GTF3C2: variants seen among roughly 807,000 people sequenced by gnomAD.
GTF3C2 encodes the protein general transcription factor IIIC subunit 2.
Under a neutral mutation model 117.4 loss-of-function variants are expected in GTF3C2, and 17 were observed. That is an observed-to-expected ratio of 0.14 (90% CI 0.10 to 0.22). The LOEUF is 0.22. GTF3C2 is among the 10% of genes least tolerant of loss of function. GTF3C2 has a pLI of 1.00. For missense variants in GTF3C2, 888 were observed against 1,143.6 expected, an observed-to-expected ratio of 0.78 and a Z score of 3.22; for synonymous variants, 437 against 427.0, an observed-to-expected ratio of 1.02 and a Z score of -0.29.
chr2:27,341,428 T>C (rs530109785), intron 4 of GTF3C2: 1 of 153,168 alleles, frequency 6.5e-6, no homozygotes, highest in South Asian at 2.1e-4. Flanking sequence ...CAGCCTTTGT[T>C]GGTTCCTATA....
At chr2:27,342,003 G>A (rs1015753538) in exon 4 of GTF3C2, 2 of 1,613,994 alleles carry the variant, frequency 1.2e-6, no homozygotes, top group African/African-American at 2.7e-5. Context: ...AGGTTCAGAT[G>A]AGCTCTCACT....
At chr2:27,330,461 C>CAAAAAAAAAGA (rs1680239316) in intron 12 of GTF3C2, among the ~76,000 whole-genome samples, 3 of 142,058 alleles carry the variant, frequency 2.1e-5, no homozygotes, top group Non-Finnish European at 3.1e-5. Context: ...GACTCCACCT[C>CAAAAAAAAAGA]AAAAAAAAAG....
intron 10 of GTF3C2, 62 bp from the exon 11 acceptor site, chr2:27,334,061 T>C: frequency 1.6e-6 from 2 of 1,283,046 alleles, no homozygotes; most frequent in Middle Eastern, 2.4e-4. Context: ...GGTCTTACTC[T>C]GTCACCCAGG....
At chr2:27,328,479 C>G in exon 16 of GTF3C2, 1 of 1,614,050 alleles carries the variant, frequency 6.2e-7, no homozygotes, top group Non-Finnish European at 8.5e-7. Flanking sequence ...AATCTTCGCT[C>G]TACAGGTCGC....
intron 12 of GTF3C2, among the ~76,000 whole-genome samples, chr2:27,331,020 G>T (rs895543955): frequency 6.6e-6 from 1 of 152,206 alleles, no homozygotes; most frequent in Non-Finnish European, 1.5e-5. Context: ...TCAGAAGGCT[G>T]AGCCACTCAG....
intron 12 of GTF3C2, among the ~76,000 whole-genome samples, chr2:27,332,918 G>A (rs988858109): frequency 1.3e-5 from 2 of 151,568 alleles, no homozygotes; most frequent in Admixed American, 6.6e-5. Flanking sequence ...CTTTCACCAT[G>A]TTGGCCAGGA....
At chr2:27,345,046 G>C (rs1680869870) in intron 1 of GTF3C2, among the ~76,000 whole-genome samples, 1 of 151,964 alleles carries the variant, frequency 6.6e-6, no homozygotes. Flanking sequence ...CACTTTGAGA[G>C]GACAAGGCAG....
chr2:27,336,059 G>A (rs79125942), intron 8 of GTF3C2, 31 bp from the exon 9 acceptor site: 59,539 of 1,491,722 alleles, frequency 0.04, 1,407 homozygotes, highest in Admixed American at 0.059. Context: ...GGGATGGTGG[G>A]TAGGAAGAAG....
In GTF3C2 at chr2:27,329,973, C is replaced by T. The variant is rs1361876424; in HGVS notation, c.1733-450G>A. ...CAGCCTGATCAACATGGTGAAACCC[C>T]GTCTCTACTAAAAATACAAAAAATT... On this transcript the variant is annotated intron_variant, in intron 12 of 18. Transcript: ENST00000264720. This position sits in a 1 kb window ranked among gnomAD's most constrained non-coding sequence, Gnocchi z 4.5. Among the ~76,000 whole-genome samples the T allele has an allele frequency of 2.0e-5, 3 of 151,470 alleles. No individual in the cohort carries two copies. The highest frequency in any genetic ancestry group is 2.1e-4 in the South Asian group (1 of 4,804).
chr2:27,327,817 G>A lies in GTF3C2; in HGVS notation c.2409+220C>T, dbSNP rs557280163. 9.2e-5 allele frequency among the ~76,000 whole-genome samples: 14 copies of A among 151,968 alleles called. No individual in the cohort carries two copies. In the East Asian group the frequency reaches 1.2e-3, roughly 13 times the overall value. On this transcript the variant is annotated intron_variant, in intron 17 of 18. Transcript: ENST00000264720. Reference sequence around the variant, plus strand: ...TAATTTTTGTATTTTTAGTAGAGACGGAGTTTCGCCATGTTGGCCAGGATG... The same window carrying A: ...TAATTTTTGTATTTTTAGTAGAGACAGAGTTTCGCCATGTTGGCCAGGATG...
intron 1 of GTF3C2, among the ~76,000 whole-genome samples, chr2:27,353,450 T>A (rs1681209854): frequency 6.6e-6 from 1 of 151,940 alleles, no homozygotes; most frequent in East Asian, 1.9e-4. Context: ...TTTGTTTTTG[T>A]TTTTTTGAGA....
chr2:27,335,467 G>A (rs1490385314), intron 10 of GTF3C2, 131 bp downstream of exon 10: 12 of 706,286 alleles, frequency 1.7e-5, no homozygotes, highest in Non-Finnish European at 2.9e-5. Context: ...ACAATGCAGG[G>A]TGTGTGTGTG....
Position 27,328,695 on chromosome 2 carries a change from T to C in GTF3C2, c.2128-99A>G, listed in dbSNP as rs540225946. 38 of 1,175,930 alleles carry C rather than the reference T, an allele frequency of 3.2e-5. No homozygotes were observed. The South Asian group carries it at 5.0e-4, about 15-fold the overall frequency. The allele number at this position is 1,175,930 out of a possible 1,614,324, so 72.8% of individuals were successfully genotyped here. ...TGAGAGACAGACACACAAACAAAAA[T>C]GAGTTTACCATAACCGACAGCCCTG... On this transcript the variant is annotated intron_variant, in intron 15 of 18. Coordinates refer to ENST00000264720, the Ensembl canonical transcript of GTF3C2.
intron 4 of GTF3C2, among the ~76,000 whole-genome samples, chr2:27,339,136 T>C (rs1266557602): frequency 6.6e-6 from 1 of 151,948 alleles, no homozygotes; most frequent in East Asian, 1.9e-4. Context: ...AAGCCGGGCA[T>C]GGTGGCTCAT....
chr2:27,337,379 GT>G, intron 6 of GTF3C2, 37 bp from the exon 7 acceptor site: 1 of 1,515,674 alleles, frequency 6.6e-7, no homozygotes. Flanking sequence ...AAATTTGGAA[GT>G]GTTTCACCCA....
At chr2:27,337,412 G>T in intron 6 of GTF3C2, 69 bp downstream of exon 6, 1 of 1,454,102 alleles carries the variant, frequency 6.9e-7, no homozygotes, top group Non-Finnish European at 9.7e-7. Context: ...CCATTATAGA[G>T]CCTCTGTCAC....
chr2:27,344,965 T>C (rs555885728), intron 1 of GTF3C2, among the ~76,000 whole-genome samples: 127 of 151,080 alleles, frequency 8.4e-4, no homozygotes, highest in African/African-American at 3.0e-3. Context: ...AGCCTGGGTA[T>C]GGTATTTTAA....
intron 1 of GTF3C2, among the ~76,000 whole-genome samples, chr2:27,353,039 C>T (rs1334210407): frequency 6.6e-6 from 1 of 152,040 alleles, no homozygotes; most frequent in African/African-American, 2.4e-5. Flanking sequence ...TTTTAGTTTG[C>T]TTCCTTTACT....
At position 27,349,393 on chromosome 2, in the gene GTF3C2, C is replaced by T. The variant is rs10203609; in HGVS notation, c.-24-5815G>A. 7.1e-3 allele frequency among the ~76,000 whole-genome samples: 1,002 copies of T among 142,104 alleles called. 5 individuals are homozygous for T. Among genetic ancestry groups the T allele is most frequent in the African/African-American group, 0.025 (950 of 38,354 alleles). 93.2% of individuals were successfully genotyped at this position (142,104 alleles called of 152,430 possible). ...CGATCTCCTGACCTCGTGATCCGCC[C>T]GCCGCGGCCTCCCAAAGTGCTGGGA... is the stretch of plus-strand genomic sequence containing the variant. On this transcript the variant is annotated intron_variant, in intron 1 of 18. Coordinates refer to ENST00000264720, the Ensembl canonical transcript of GTF3C2.
Sources: allele counts gnomAD v4.1 joint callset (sites outside exome capture counted in the v4.1 genomes callset), GRCh38; gene constraint gnomAD v4.1.1; non-coding constraint Gnocchi (gnomAD v3.1); transcripts MANE v1.5; gene names NCBI Gene and HGNC (gene_info 2026-07-23, HGNC 2026-07-21).